The following GLIS3 variants were observed in gnomAD, a reference collection of about 807,000 sequenced individuals.
GLIS3 encodes GLIS family zinc finger 3, also known as zinc finger protein GLIS3.
A neutral mutation model predicts 78.6 loss-of-function variants in GLIS3; 53 were observed. That is an observed-to-expected ratio of 0.67 (90% CI 0.54 to 0.85). GLIS3 has a LOEUF of 0.85. GLIS3 is among the 40% of genes least tolerant of loss of function. GLIS3 has a pLI of 0.00. For synonymous variants in GLIS3, 684 were observed against 509.9 expected, an observed-to-expected ratio of 1.34 and a Z score of -4.60; for missense variants, 1,703 against 1,231.1, an observed-to-expected ratio of 1.38 and a Z score of -5.74.
intron 2 of GLIS3, among the ~76,000 whole-genome samples, chr9:4,188,937 C>G (rs1006553330): frequency 6.6e-6 from 1 of 152,090 alleles, no homozygotes; most frequent in African/African-American, 2.4e-5. Context: ...TTGATCCTTT[C>G]AACAAACCAG....
chr9:4,352,225 C>T (rs545919487), upstream of GLIS3, among the ~76,000 whole-genome samples: 10 of 152,364 alleles, frequency 6.6e-5, no homozygotes, highest in East Asian at 1.2e-3. Context: ...ACTCAGGCGA[C>T]ACCCAGTTGT....
chr9:4,373,424 T>C, the GLIS3 span, among the ~76,000 whole-genome samples: 2 of 152,142 alleles, frequency 1.3e-5, no homozygotes, highest in Non-Finnish European at 2.9e-5. Context: ...GTTAAATCCT[T>C]TCCACATGGT....
the GLIS3 span, among the ~76,000 whole-genome samples, chr9:4,408,200 G>C: frequency 6.6e-6 from 1 of 152,124 alleles, no homozygotes; most frequent in Admixed American, 6.5e-5. Context: ...ACGGAGAACA[G>C]CATGGAGGTT....
intron 7 of GLIS3, among the ~76,000 whole-genome samples, chr9:3,890,355 T>G (rs1822347180): frequency 1.3e-5 from 2 of 152,150 alleles, no homozygotes; most frequent in Non-Finnish European, 2.9e-5. Context: ...TAAATTCTTC[T>G]TGGAAGGAAC....
chr9:4,373,309 T>A, the GLIS3 span, among the ~76,000 whole-genome samples: 12 of 152,286 alleles, frequency 7.9e-5, no homozygotes, highest in Admixed American at 2.6e-4. Context: ...TAGTTTCCCA[T>A]CCTGGCTGTA....
chr9:4,019,106 C>T (rs923431261), intron 4 of GLIS3, among the ~76,000 whole-genome samples: 4 of 152,000 alleles, frequency 2.6e-5, no homozygotes, highest in African/African-American at 7.3e-5. Context: ...CCATTTGATG[C>T]GGGATGAAGG....
intron 2 of GLIS3, among the ~76,000 whole-genome samples, chr9:4,158,752 G>C (rs1477712583): frequency 6.6e-6 from 1 of 152,152 alleles, no homozygotes; most frequent in Non-Finnish European, 1.5e-5. Flanking sequence ...CATTGTAGTG[G>C]TGAGAGAATA....
chr9:4,269,526 C>T (rs937126386), intron 2 of GLIS3, among the ~76,000 whole-genome samples: 5 of 152,140 alleles, frequency 3.3e-5, no homozygotes, highest in South Asian at 2.1e-4. Context: ...GTCTGAACCA[C>T]CAAAACGATC....
chr9:4,490,428 G>C, the GLIS3 span: 2 of 266,252 alleles, frequency 7.5e-6, no homozygotes, highest in Non-Finnish European at 1.4e-5. Context: ...AGGCGCCGCA[G>C]AGCGCGGCGG....
intron 2 of GLIS3, among the ~76,000 whole-genome samples, chr9:4,343,922 G>A (rs947523828): frequency 6.6e-6 from 1 of 152,136 alleles, no homozygotes; most frequent in African/African-American, 2.4e-5. Flanking sequence ...CCTGAGAGTG[G>A]AGGGTGGGAG....
chr9:4,172,396 A>C (rs1816448068), intron 2 of GLIS3, among the ~76,000 whole-genome samples: 1 of 152,134 alleles, frequency 6.6e-6, no homozygotes, highest in African/African-American at 2.4e-5. Flanking sequence ...AGACACATGC[A>C]AGCAGTTTCT....
chr9:4,115,490 G>T (rs1437707977), intron 4 of GLIS3, among the ~76,000 whole-genome samples: 1 of 152,098 alleles, frequency 6.6e-6, no homozygotes, highest in Non-Finnish European at 1.5e-5. Flanking sequence ...TATGTGTTTT[G>T]CAAAAGGCAG....
intron 4 of GLIS3, among the ~76,000 whole-genome samples, chr9:4,087,579 AGGATGTGG>A (rs1206773956): frequency 6.6e-6 from 1 of 152,218 alleles, no homozygotes; most frequent in Non-Finnish European, 1.5e-5. Flanking sequence ...CAAAAAGTAC[AGGATGTGG>A]GCTCTGGCCT....
chr9:4,200,132 A>C (rs1246359274), intron 2 of GLIS3, among the ~76,000 whole-genome samples: 2 of 152,180 alleles, frequency 1.3e-5, no homozygotes, highest in African/African-American at 4.8e-5. Flanking sequence ...CAGCATACCA[A>C]AATCTCTGGG....
chr9:4,368,859 GT>G, the GLIS3 span, among the ~76,000 whole-genome samples: 1 of 152,126 alleles, frequency 6.6e-6, no homozygotes, highest in Non-Finnish European at 1.5e-5. Flanking sequence ...GAACTTGCTG[GT>G]TTATACTTGA....
At chr9:3,985,273 G>C (rs943664291) in intron 4 of GLIS3, among the ~76,000 whole-genome samples, 2 of 152,088 alleles carry the variant, frequency 1.3e-5, no homozygotes, top group African/African-American at 4.8e-5. Context: ...CTCCTGAGTA[G>C]CTGGGACCAC....
the GLIS3 span, among the ~76,000 whole-genome samples, chr9:4,418,318 A>C: frequency 1.3e-5 from 2 of 152,204 alleles, no homozygotes; most frequent in Non-Finnish European, 2.9e-5. Context: ...CTCAGGAGGG[A>C]AAGATAGACA....
At chr9:3,985,543 T>C (rs1386827776) in intron 4 of GLIS3, among the ~76,000 whole-genome samples, 2 of 152,184 alleles carry the variant, frequency 1.3e-5, no homozygotes, top group African/African-American at 4.8e-5. Flanking sequence ...TACATGAATA[T>C]TTGGGCCCAG....
intron 4 of GLIS3, among the ~76,000 whole-genome samples, chr9:4,073,881 T>C (rs1827829076): frequency 6.6e-6 from 1 of 152,186 alleles, no homozygotes; most frequent in Non-Finnish European, 1.5e-5. Flanking sequence ...CAGTAATTGC[T>C]CTGTGTGTGT....
Sources: allele counts gnomAD v4.1 joint callset (sites outside exome capture counted in the v4.1 genomes callset), GRCh38; gene constraint gnomAD v4.1.1; transcripts MANE v1.5; gene names NCBI Gene and HGNC (gene_info 2026-07-23, HGNC 2026-07-21).